The following KCNB2 variants were observed in gnomAD, a reference collection of about 807,000 sequenced individuals.
KCNB2 encodes the protein delayed rectifier potassium channel protein.
KCNB2 carries 15 observed loss-of-function variants against 61.5 expected under a neutral mutation model. That is an observed-to-expected ratio of 0.24 (90% confidence interval 0.16 to 0.38). The LOEUF is 0.38. Ranked by LOEUF, KCNB2 falls within the 10% of genes least tolerant of loss-of-function variation. The pLI is 1.00. For synonymous variants in KCNB2, 457 were observed against 446.0 expected (o/e 1.02, Z -0.31); for missense variants, 828 against 1,125.2 (o/e 0.74, Z 3.78).
chr8:72,712,808 G>A (rs1191758719), intron 2 of KCNB2, among the ~76,000 whole-genome samples: 1 of 152,298 alleles, frequency 6.6e-6, no homozygotes, highest in Admixed American at 6.5e-5. Flanking sequence ...GTGCTGGGCA[G>A]TGGGTTCAGG....
chr8:72,803,855 A>G (rs75972835), intron 2 of KCNB2, among the ~76,000 whole-genome samples: 40 of 152,326 alleles, frequency 2.6e-4, no homozygotes, highest in Non-Finnish European at 5.4e-4. Flanking sequence ...CAGAGAAAGC[A>G]GGAAGGAAGA....
At chr8:72,857,342 C>T (rs1486696568) in intron 2 of KCNB2, among the ~76,000 whole-genome samples, 1 of 152,058 alleles carries the variant, frequency 6.6e-6, no homozygotes, top group Non-Finnish European at 1.5e-5. Flanking sequence ...CAGAGCATTC[C>T]AGGTAGAGGA....
At chr8:72,778,887 T>C (rs764982821) in intron 2 of KCNB2, among the ~76,000 whole-genome samples, 11 of 152,106 alleles carry the variant, frequency 7.2e-5, no homozygotes, top group Admixed American at 1.3e-4. Flanking sequence ...CCTCATTTCC[T>C]GCTGGGTCAC....
intron 1 of KCNB2, among the ~76,000 whole-genome samples, chr8:72,538,757 T>C (rs1806150933): frequency 6.6e-6 from 1 of 152,254 alleles, no homozygotes; most frequent in African/African-American, 2.4e-5. Context: ...TTTTCATTTT[T>C]GCATTGATTA....
chr8:72,586,473 A>G (rs1313195628), intron 2 of KCNB2, among the ~76,000 whole-genome samples: 1 of 152,236 alleles, frequency 6.6e-6, no homozygotes, highest in Non-Finnish European at 1.5e-5. Context: ...TTAGTCACAG[A>G]GGGGGAGAAA....
Position 72,936,017 on chromosome 8 carries a change from C to G in KCNB2, c.662C>G (p.Thr221Arg), listed in dbSNP as rs771065845. 1.5e-5 allele frequency: 24 copies of G among 1,614,076 alleles called. No homozygotes were observed. Among genetic ancestry groups the G allele is most frequent in the South Asian group, 3.3e-5 (3 of 91,090 alleles). ...SLNTLPELQETDEFGQLNDNR... is the reference protein window; with the variant it reads ...SLNTLPELQERDEFGQLNDNR... ...AATACGCTGCCGGAGCTGCAGGAAA[C>G]GGACGAATTTGGACAACTCAATGAC... The change falls in exon 3 of 3, where the codon ACG becomes AGG. Residue 221 changes from threonine (T) to arginine (R), a missense_variant. Physicochemically the swap from Thr to Arg is moderately conservative, Grantham distance 71. Around this residue, in one of 4 missense-constraint regions of KCNB2, gnomAD observed 163 missense variants for 314.4 expected, o/e 0.52. Coordinates refer to ENST00000523207, the MANE Select transcript of KCNB2 (RefSeq NM_004770.3). The surrounding 1 kb of genome is among the most constrained non-coding windows in gnomAD (Gnocchi z 5.6).
rs376528311 is a variant in KCNB2, at chr8:72,772,091, G to A, written c.580-163844G>A. On this transcript the variant is annotated intron_variant, in intron 2 of 2. Transcript: ENST00000523207. Reference sequence around the variant, plus strand: ...AGCCAGCAGAGGAACACAGGGACACGGGATGGAGAGGAGGCAAGAGCCAGG... The same window carrying A: ...AGCCAGCAGAGGAACACAGGGACACAGGATGGAGAGGAGGCAAGAGCCAGG... Among the ~76,000 whole-genome samples the A allele has an allele frequency of 3.3e-5, 5 of 152,236 alleles. No homozygotes were observed. The East Asian group carries it at 7.8e-4, about 24-fold the overall frequency.
chr8:72,647,774 G>GC (rs1221199749), intron 2 of KCNB2, among the ~76,000 whole-genome samples: 6 of 152,112 alleles, frequency 3.9e-5, no homozygotes, highest in Non-Finnish European at 5.9e-5. Context: ...AGGCAGCTGT[G>GC]CCCCCTAGCT....
chr8:72,926,998 C>T (rs1023298547), intron 2 of KCNB2, among the ~76,000 whole-genome samples: 8 of 152,160 alleles, frequency 5.3e-5, no homozygotes, highest in African/African-American at 1.9e-4. Flanking sequence ...TCAGAATCAC[C>T]TGGAGAACTT....
chr8:72,632,406 A>G (rs2128985068), intron 2 of KCNB2, among the ~76,000 whole-genome samples: 1 of 152,280 alleles, frequency 6.6e-6, no homozygotes, highest in South Asian at 2.1e-4. Flanking sequence ...CTGCTTTCAC[A>G]CTACACAGGC....
chr8:72,822,204 T>G (rs1376816056), intron 2 of KCNB2, among the ~76,000 whole-genome samples: 2 of 152,242 alleles, frequency 1.3e-5, no homozygotes, highest in Admixed American at 1.3e-4. Flanking sequence ...TCAACAAGAC[T>G]GATATTTTTG....
chr8:72,636,933 T>C (rs1408069644), intron 2 of KCNB2, among the ~76,000 whole-genome samples: 2 of 152,116 alleles, frequency 1.3e-5, no homozygotes, highest in Non-Finnish European at 2.9e-5. Flanking sequence ...AAATATCTTC[T>C]CCCCAAATCA....
rs115413667 is a variant in KCNB2 at position 72,628,719 on chromosome 8, G to A, written c.579+60406G>A. On this transcript the variant is annotated intron_variant, in intron 2 of 2. Transcript: ENST00000523207. Reference sequence around the variant, plus strand: ...ATGCCCCATTTCATTCTTATATCTAGCTAAATTTCTTTTAGGGTCAACATT... The same window carrying A: ...ATGCCCCATTTCATTCTTATATCTAACTAAATTTCTTTTAGGGTCAACATT... Among the ~76,000 whole-genome samples the A allele has an allele frequency of 6.4e-3, 970 of 152,200 alleles. 11 individuals are homozygous for A. Among genetic ancestry groups the A allele is most frequent in the African/African-American group, 0.021 (855 of 41,518 alleles).
intron 2 of KCNB2, among the ~76,000 whole-genome samples, chr8:72,868,017 T>A (rs948871420): frequency 6.6e-6 from 1 of 151,846 alleles, no homozygotes; most frequent in South Asian, 2.1e-4. Flanking sequence ...CATTGGCCAA[T>A]GAAATAATAG....
chr8:72,849,594 T>C (rs1378318249), intron 2 of KCNB2, among the ~76,000 whole-genome samples: 1 of 152,202 alleles, frequency 6.6e-6, no homozygotes, highest in Non-Finnish European at 1.5e-5. Flanking sequence ...AAAGAGAATA[T>C]AAACCAGCAT....
intron 2 of KCNB2, among the ~76,000 whole-genome samples, chr8:72,716,538 A>G (rs1454529111): frequency 6.6e-6 from 1 of 152,260 alleles, no homozygotes; most frequent in African/African-American, 2.4e-5. Flanking sequence ...AATCCAGCCT[A>G]TAAACAGAAC....
intron 2 of KCNB2, among the ~76,000 whole-genome samples, chr8:72,849,601 G>A (rs192178262): frequency 4.3e-4 from 66 of 152,202 alleles, no homozygotes; most frequent in African/African-American, 1.2e-3. Flanking sequence ...ATATAAACCA[G>A]CATTCTTGCT....
intron 1 of KCNB2, among the ~76,000 whole-genome samples, chr8:72,542,360 T>C (rs1806202466): frequency 6.6e-6 from 1 of 152,180 alleles, no homozygotes; most frequent in Non-Finnish European, 1.5e-5. Flanking sequence ...AATTGGCTTA[T>C]TAGATAAAAT....
chr8:72,579,928 G>A (rs887526408), intron 2 of KCNB2, among the ~76,000 whole-genome samples: 4 of 152,222 alleles, frequency 2.6e-5, no homozygotes, highest in African/African-American at 9.6e-5. Flanking sequence ...GAAGTGAAAA[G>A]CACTTTCTCA....
Sources: gnomAD v4.1 joint callset for allele counts (sites outside exome capture counted in the v4.1 genomes callset) on GRCh38, gnomAD v4.1.1 for gene constraint, gnomAD v4.1.1 regional missense constraint, Gnocchi (gnomAD v3.1) non-coding constraint, MANE v1.5 for transcripts, NCBI Gene and HGNC (gene_info 2026-07-23, HGNC 2026-07-21) for gene names.